The following HCN1 variants were observed in gnomAD, a reference collection of about 807,000 sequenced individuals.
HCN1 encodes potassium/sodium hyperpolarization-activated cyclic nucleotide-gated channel 1.
Under a neutral mutation model 78.9 loss-of-function variants are expected in HCN1, and 13 were observed. That is an observed-to-expected ratio of 0.16 (90% confidence interval 0.11 to 0.26). The LOEUF (loss-of-function observed/expected upper bound fraction) is 0.26. Ranked by LOEUF, HCN1 falls within the 10% of genes least tolerant of loss-of-function variation. The pLI is 1.00. For synonymous variants in HCN1, 552 were observed against 455.5 expected (o/e 1.21, Z -2.70); for missense variants, 810 against 1,154.3 (o/e 0.70, Z 4.32).
chr5:45,300,566 T>C (rs1745593042), intron 6 of HCN1, among the ~76,000 whole-genome samples: 1 of 152,126 alleles, frequency 6.6e-6, no homozygotes, highest in Non-Finnish European at 1.5e-5. Flanking sequence ...GTATCTAATA[T>C]ATACAGCATA....
chr5:45,340,440 C>T (rs1437884125), intron 5 of HCN1, among the ~76,000 whole-genome samples: 1 of 152,042 alleles, frequency 6.6e-6, no homozygotes, highest in East Asian at 1.9e-4. Flanking sequence ...AGAATATATG[C>T]TTCAATTTAT....
chr5:45,564,558 G>C (rs746448088), intron 2 of HCN1, among the ~76,000 whole-genome samples: 20 of 152,122 alleles, frequency 1.3e-4, no homozygotes, highest in Non-Finnish European at 2.6e-4. Context: ...ACACAGAAAA[G>C]TCAATGTATG....
At chr5:45,374,048 ATATATAT>A (rs1325560853) in intron 4 of HCN1, among the ~76,000 whole-genome samples, 14 of 90,298 alleles carry the variant, frequency 1.6e-4, no homozygotes, top group African/African-American at 6.3e-4. Context: ...AATATATATT[ATATATAT>A]TATATATATA....
At chr5:45,277,094 C>A (rs931579797) in intron 6 of HCN1, among the ~76,000 whole-genome samples, 3 of 151,958 alleles carry the variant, frequency 2.0e-5, no homozygotes, top group Non-Finnish European at 4.4e-5. Flanking sequence ...GGAAAAACTT[C>A]GTGTGCAAAA....
In HCN1 at chr5:45,267,217, C is replaced by T; in HGVS notation, c.1655G>A (p.Ser552Asn). Residue 552 changes from serine to asparagine, a missense_variant, in exon 7 of 8, where the codon AGT (serine) becomes AAT (asparagine). Ser to Asn is a conservative substitution (Grantham distance 46). Transcript: ENST00000303230. ...CLLTKGRRTA[S>N]VRADTYCRLY... Reference sequence around the variant, plus strand: ...ACGACAATATGTATCAGCTCGAACACTGGCAGTACGACGTCCTTTGGTCAG... The same window carrying T: ...ACGACAATATGTATCAGCTCGAACATTGGCAGTACGACGTCCTTTGGTCAG... 1 of 1,614,010 alleles carries T rather than the reference C, an allele frequency of 6.2e-7. No homozygotes were observed. Among genetic ancestry groups the T allele is most frequent in the Non-Finnish European group, 8.5e-7 (1 of 1,179,954 alleles).
At chr5:45,272,309 T>G (rs1218337763) in intron 6 of HCN1, among the ~76,000 whole-genome samples, 1 of 152,088 alleles carries the variant, frequency 6.6e-6, no homozygotes, top group South Asian at 2.1e-4. Flanking sequence ...TAGAAAAAAA[T>G]TAGTCATCTG....
At chr5:45,454,865 T>A (rs1263389872) in intron 3 of HCN1, among the ~76,000 whole-genome samples, 4 of 152,102 alleles carry the variant, frequency 2.6e-5, no homozygotes, top group Admixed American at 6.6e-5. Flanking sequence ...TCATTGCTTT[T>A]TTTCCAAATT....
intron 1 of HCN1, among the ~76,000 whole-genome samples, chr5:45,695,335 T>C (rs924736135): frequency 2.0e-5 from 3 of 152,202 alleles, no homozygotes; most frequent in African/African-American, 7.2e-5. Context: ...CGCTCTCGTC[T>C]CTGAAGTAAA....
At chr5:45,489,044 C>G (rs910757579) in intron 2 of HCN1, among the ~76,000 whole-genome samples, 1 of 152,170 alleles carries the variant, frequency 6.6e-6, no homozygotes, top group Non-Finnish European at 1.5e-5. Flanking sequence ...GTACCTGACT[C>G]TCAGACAGGT....
chr5:45,326,248 C>CA (rs1371385658), intron 5 of HCN1, among the ~76,000 whole-genome samples: 3 of 151,556 alleles, frequency 2.0e-5, no homozygotes, highest in African/African-American at 7.3e-5. Flanking sequence ...AAAAAATAAA[C>CA]AACTGAAAAT....
intron 2 of HCN1, among the ~76,000 whole-genome samples, chr5:45,581,974 ATTTG>A (rs1744086857): frequency 6.6e-6 from 1 of 151,948 alleles, no homozygotes; most frequent in African/African-American, 2.4e-5. Flanking sequence ...AGCTTTGTTC[ATTTG>A]GCTTAGGATT....
chr5:45,323,240 A>C (rs1016320963), intron 5 of HCN1, among the ~76,000 whole-genome samples: 1 of 151,934 alleles, frequency 6.6e-6, no homozygotes, highest in East Asian at 1.9e-4. Flanking sequence ...CTTGATAAAA[A>C]AATGAATATA....
At chr5:45,381,094 T>A (rs1747799655) in intron 4 of HCN1, among the ~76,000 whole-genome samples, 1 of 152,104 alleles carries the variant, frequency 6.6e-6, no homozygotes, top group African/African-American at 2.4e-5. Context: ...AAAGTTAATT[T>A]ATGTAAGAAT....
chr5:45,301,434 T>C, intron 6 of HCN1, among the ~76,000 whole-genome samples: 1 of 151,054 alleles, frequency 6.6e-6, no homozygotes, highest in South Asian at 2.1e-4. Flanking sequence ...GAAAAGCAAT[T>C]CCAGTCAGGT....
rs1741955430 is a variant in HCN1 at position 45,493,820 on chromosome 5, A to T, written c.850-31813T>A. On this transcript the variant is annotated intron_variant, in intron 2 of 7. Transcript: ENST00000303230. ...CTGTGTCCATGAGTTCTCATTGTTCAATTCCCACCTATGAGTGAGAATATG... is the reference window on the plus strand; with the variant it reads ...CTGTGTCCATGAGTTCTCATTGTTCTATTCCCACCTATGAGTGAGAATATG... 3.7e-5 allele frequency among the ~76,000 whole-genome samples: 5 copies of T among 134,930 alleles called. No individual in the cohort carries two copies. The Admixed American group carries it at 4.5e-4, about 12-fold the overall frequency. The allele number at this position is 134,930 out of a possible 152,430, so 88.5% of individuals were successfully genotyped here. A position where few individuals can be genotyped will look rare whatever the true frequency, so the allele number is the denominator to read the frequency against.
chr5:45,464,866 A>G (rs1741236144), intron 2 of HCN1, among the ~76,000 whole-genome samples: 1 of 152,146 alleles, frequency 6.6e-6, no homozygotes, highest in Non-Finnish European at 1.5e-5. Flanking sequence ...GAGCTCACAC[A>G]TCTGTAGATA....
At chr5:45,312,450 G>A (rs901274049) in intron 5 of HCN1, among the ~76,000 whole-genome samples, 2 of 152,164 alleles carry the variant, frequency 1.3e-5, no homozygotes, top group East Asian at 1.9e-4. Context: ...CGACGCAGAA[G>A]ACGGATGATT....
intron 3 of HCN1, among the ~76,000 whole-genome samples, chr5:45,420,223 T>C (rs1740200006): frequency 6.6e-6 from 1 of 152,230 alleles, no homozygotes; most frequent in Non-Finnish European, 1.5e-5. Context: ...TATCTGTTTT[T>C]TTACATCCTT....
intron 2 of HCN1, among the ~76,000 whole-genome samples, chr5:45,605,385 C>T (rs561753295): frequency 5.3e-5 from 8 of 151,856 alleles, no homozygotes; most frequent in Middle Eastern, 3.5e-3. Flanking sequence ...AGCATTGTTT[C>T]TAATAGCAAT....
Sources: gnomAD v4.1 joint callset for allele counts (sites outside exome capture counted in the v4.1 genomes callset) on GRCh38, gnomAD v4.1.1 for gene constraint, MANE v1.5 for transcripts, NCBI Gene and HGNC (gene_info 2026-07-23, HGNC 2026-07-21) for gene names.